The following BMPER variants were observed in gnomAD, a reference collection of about 807,000 sequenced individuals.
BMPER encodes BMP binding endothelial regulator, also known as BMP-binding endothelial regulator protein.
BMPER carries 45 observed loss-of-function variants against 87.3 expected under a neutral mutation model. The ratio of observed to expected loss-of-function variants is 0.52; its 90% CI spans 0.41 to 0.66. BMPER has a LOEUF of 0.66. BMPER is among the 30% of genes least tolerant of loss of function. The pLI is 0.00. For missense variants in BMPER, 784 were observed against 867.5 expected (o/e 0.90, Z 1.21); for synonymous variants, 326 against 316.2 (o/e 1.03, Z -0.33).
intron 6 of BMPER, among the ~76,000 whole-genome samples, chr7:34,008,135 T>C (rs1467164546): frequency 6.6e-6 from 1 of 152,080 alleles, no homozygotes; most frequent in Non-Finnish European, 1.5e-5. Context: ...TTTAAAATGT[T>C]AAAATATAAC....
At chr7:34,098,215 G>T (rs1415244423) in intron 13 of BMPER, among the ~76,000 whole-genome samples, 7 of 152,082 alleles carry the variant, frequency 4.6e-5, no homozygotes, top group Non-Finnish European at 8.8e-5. Context: ...ACCCAGTAAG[G>T]GAGGGAGGAG....
chr7:34,053,141 A>G (rs1053360614), intron 8 of BMPER, among the ~76,000 whole-genome samples: 4 of 152,110 alleles, frequency 2.6e-5, no homozygotes, highest in African/African-American at 7.2e-5. Context: ...CTTTGGGTTC[A>G]TGGGTTCCTT....
intron 3 of BMPER, among the ~76,000 whole-genome samples, chr7:33,939,030 AC>A (rs774327636): frequency 6.6e-6 from 1 of 152,130 alleles, no homozygotes; most frequent in Non-Finnish European, 1.5e-5. Context: ...ATCTCAAAAA[AC>A]AAAACAAAAA....
At chr7:34,056,905 C>T (rs939881621) in intron 9 of BMPER, among the ~76,000 whole-genome samples, 3 of 152,168 alleles carry the variant, frequency 2.0e-5, no homozygotes, top group Non-Finnish European at 2.9e-5. Context: ...CGTGAGCCAC[C>T]GCGCCCGGCT....
intron 13 of BMPER, among the ~76,000 whole-genome samples, chr7:34,112,649 G>A (rs1193993202): frequency 2.0e-5 from 3 of 151,796 alleles, no homozygotes; most frequent in Admixed American, 6.6e-5. Context: ...TACTGTTGTA[G>A]CATGTTTTTT....
At chr7:34,121,958 A>G (rs928650736) in intron 13 of BMPER, among the ~76,000 whole-genome samples, 1 of 63,400 alleles carries the variant, frequency 1.6e-5, no homozygotes, top group Non-Finnish European at 3.8e-5. Context: ...CCATCTCTAC[A>G]ATTTTTTTTT....
chr7:34,103,543 GT>G (rs1373882360), intron 13 of BMPER, among the ~76,000 whole-genome samples: 1 of 152,132 alleles, frequency 6.6e-6, no homozygotes, highest in Non-Finnish European at 1.5e-5. Context: ...TAAGCTTCAA[GT>G]GACTCCCCTA....
intron 13 of BMPER, among the ~76,000 whole-genome samples, chr7:34,110,933 G>A (rs1452302597): frequency 6.6e-6 from 1 of 152,200 alleles, no homozygotes; most frequent in African/African-American, 2.4e-5. Context: ...AAGAACTTGT[G>A]TAGAAAGATA....
intron 6 of BMPER, among the ~76,000 whole-genome samples, chr7:34,008,774 T>C (rs992809082): frequency 3.3e-5 from 5 of 151,984 alleles, no homozygotes; most frequent in Non-Finnish European, 4.4e-5. Context: ...GGAGTTCATA[T>C]AGATAGCATC....
At chr7:33,940,050 A>G (rs776875812) in intron 3 of BMPER, 117 of 234,090 alleles carry the variant, frequency 5.0e-4, no homozygotes, top group Non-Finnish European at 9.4e-4. Context: ...TGGAATTGTA[A>G]CTTATGCTCA....
chr7:33,929,183 G>A (rs987272474), intron 2 of BMPER, among the ~76,000 whole-genome samples: 3 of 152,136 alleles, frequency 2.0e-5, no homozygotes, highest in African/African-American at 7.2e-5. Context: ...GTAAAGACTC[G>A]TTGAGCCTAG....
chr7:34,039,550 T>A (rs544028759), intron 6 of BMPER, among the ~76,000 whole-genome samples: 1 of 151,082 alleles, frequency 6.6e-6, no homozygotes, highest in Non-Finnish European at 1.5e-5. Flanking sequence ...TGACCCCAAA[T>A]GTCAGGAGTG....
intron 6 of BMPER, among the ~76,000 whole-genome samples, chr7:34,015,098 T>A (rs1786984542): frequency 6.6e-6 from 1 of 151,946 alleles, no homozygotes; most frequent in Admixed American, 6.6e-5. Flanking sequence ...TTCATCTAAA[T>A]GTGGATTGAA....
At chr7:34,112,362 G>T (rs1259629499) in intron 13 of BMPER, among the ~76,000 whole-genome samples, 2 of 151,894 alleles carry the variant, frequency 1.3e-5, no homozygotes, top group Non-Finnish European at 2.9e-5. Context: ...CAGGCGTGGT[G>T]GTGGGCGCCT....
In BMPER at chr7:33,994,283, G is replaced by A. The variant is rs368750917; in HGVS notation, c.576+19499G>A. On this transcript the variant is annotated intron_variant, in intron 6 of 14. Transcript: ENST00000649409. Reference sequence around the variant, plus strand: ...TAGCAATCAGCGAGACTCCGTGGGCGTAGGACCCTCCGAGCCAGGTGCGGG... The same window carrying A: ...TAGCAATCAGCGAGACTCCGTGGGCATAGGACCCTCCGAGCCAGGTGCGGG... Among the ~76,000 whole-genome samples the A allele has an allele frequency of 7.9e-5, 12 of 152,324 alleles. No homozygotes were observed. In the East Asian group the frequency reaches 1.2e-3, roughly 15 times the overall value.
At chr7:33,981,103 C>T (rs772718613) in intron 6 of BMPER, among the ~76,000 whole-genome samples, 2 of 152,160 alleles carry the variant, frequency 1.3e-5, no homozygotes, top group Non-Finnish European at 2.9e-5. Flanking sequence ...CTGCTCTGGC[C>T]ACTCTGGCCT....
intron 11 of BMPER, 82 bp downstream of exon 11, chr7:34,062,129 T>C: frequency 7.8e-7 from 1 of 1,276,484 alleles, no homozygotes; most frequent in Non-Finnish European, 1.1e-6. Context: ...GGTGTATGTT[T>C]CCCACACATT....
At chr7:34,106,742 A>G (rs1789829231) in intron 13 of BMPER, among the ~76,000 whole-genome samples, 1 of 152,152 alleles carries the variant, frequency 6.6e-6, no homozygotes, top group African/African-American at 2.4e-5. Context: ...CTTGACATCT[A>G]AGGTTTGCTC....
chr7:33,972,094 G>A (rs1785563269), intron 5 of BMPER, among the ~76,000 whole-genome samples: 1 of 151,990 alleles, frequency 6.6e-6, no homozygotes, highest in Admixed American at 6.6e-5. Context: ...TAGTAGAGAC[G>A]GGGTTTCACC....
Sources: gnomAD v4.1 joint callset for allele counts (sites outside exome capture counted in the v4.1 genomes callset) on GRCh38, gnomAD v4.1.1 for gene constraint, MANE v1.5 for transcripts, NCBI Gene and HGNC (gene_info 2026-07-23, HGNC 2026-07-21) for gene names.